ABCC11: variants seen among roughly 807,000 people sequenced by gnomAD.
ABCC11 encodes the protein ATP binding cassette subfamily C member 11, also known as ATP-binding cassette sub-family C member 11.
A neutral mutation model predicts 149.3 loss-of-function variants in ABCC11; 135 were observed. The ratio of observed to expected loss-of-function variants is 0.90; its 90% CI spans 0.79 to 1.04. The LOEUF is 1.04. ABCC11 is among the 50% of genes least tolerant of loss of function. The pLI, the probability that ABCC11 is intolerant of heterozygous loss-of-function variation, is 0.00. For missense variants in ABCC11, 1,680 were observed against 1,722.1 expected (o/e 0.98, Z 0.43); for synonymous variants, 665 against 671.4 (o/e 0.99, Z 0.15).
At chr16:48,208,051 T>A (rs77231010) in intron 12 of ABCC11, among the ~76,000 whole-genome samples, 1 of 152,244 alleles carries the variant, frequency 6.6e-6, no homozygotes, top group Non-Finnish European at 1.5e-5. Flanking sequence ...CTTTTTTTTT[T>A]ATAGGGACCA....
rs766363801 is a variant in ABCC11 at position 48,224,338 on chromosome 16, AC to A, written c.486del (p.Arg162SerfsTer2). On this transcript the variant is annotated frameshift_variant, in exon 5 of 30. Transcript: ENST00000356608. LOFTEE classifies it high-confidence loss of function. The part of the protein sequence containing the change: ...LLVMLRFQRT[R>X]LIFDALLGIC... ...ATGCCCAGAAGTGCATCGAAAATCAACCTTGTTCTCTGGAACCTCAGCATCA... is the reference window on the plus strand; with the variant it reads ...ATGCCCAGAAGTGCATCGAAAATCAACTTGTTCTCTGGAACCTCAGCATCA... 6 of 1,614,018 alleles carry A rather than the reference AC, an allele frequency of 3.7e-6. No homozygotes were observed. The African/African-American group carries it at 8.0e-5, about 22-fold the overall frequency.
rs1053479240 is a variant in ABCC11, at chr16:48,177,044, C to T, written c.3418G>A (p.Glu1140Lys). 1.4e-5 allele frequency: 23 copies of T among 1,614,090 alleles called. No individual in the cohort carries two copies. The highest frequency in any genetic ancestry group is 1.7e-5 in the Non-Finnish European group (20 of 1,180,034). Residue 1140 changes from glutamate (E) to lysine (K), a missense_variant, in exon 25 of 30, where the codon GAA (glutamate) becomes AAA (lysine). Transcript: ENST00000356608. ...SCPQGWPQHG[E>K]IIFQDYHMKY... ...ATGTGATAATCCTGAAATATGATTT[C>T]CCCATGCTGTGGCCACCCCTGGGGA...
downstream of ABCC11, among the ~76,000 whole-genome samples, chr16:48,165,449 T>C (rs1482470305): frequency 6.6e-6 from 1 of 152,230 alleles, no homozygotes; most frequent in Non-Finnish European, 1.5e-5. Flanking sequence ...GCCCCTGTAG[T>C]AGCTCATTCC....
intron 1 of ABCC11, among the ~76,000 whole-genome samples, chr16:48,237,263 C>A (rs1331894682): frequency 6.6e-6 from 1 of 152,178 alleles, no homozygotes; most frequent in Non-Finnish European, 1.5e-5. Flanking sequence ...CAAGGTAGGG[C>A]ACATTGTACA....
At chr16:48,196,062 T>C (rs142108178) in intron 18 of ABCC11, among the ~76,000 whole-genome samples, 170 bp downstream of exon 18, 1 of 152,172 alleles carries the variant, frequency 6.6e-6, no homozygotes, top group Middle Eastern at 3.4e-3. Flanking sequence ...TTGGCTTTGG[T>C]GGTAGAGTTG....
Position 48,184,431 on chromosome 16 carries a change from C to T in ABCC11, c.3258+9G>A. On this transcript the variant is annotated intron_variant, in intron 23 of 29. Coordinates refer to ENST00000356608, the MANE Select transcript of ABCC11 (RefSeq NM_001370497.1). ...CTCAGAGAGGGCCCACACAGAGTCA[C>T]CCCCTCACCTGCAGCACGATGTTGA... The T allele has an allele frequency of 1.2e-6, 2 of 1,612,394 alleles. No individual in the cohort carries two copies. Among genetic ancestry groups the T allele is most frequent in the African/African-American group, 1.3e-5 (1 of 75,032 alleles).
intron 15 of ABCC11, among the ~76,000 whole-genome samples, chr16:48,198,919 C>T (rs1967683721): frequency 6.6e-6 from 1 of 151,812 alleles, no homozygotes; most frequent in Non-Finnish European, 1.5e-5. Context: ...TGCCTGTAGT[C>T]CCAGCTACTC....
intron 1 of ABCC11, among the ~76,000 whole-genome samples, chr16:48,242,016 A>G (rs1970992235): frequency 6.6e-6 from 1 of 152,246 alleles, no homozygotes; most frequent in South Asian, 2.1e-4. Flanking sequence ...CACCAAAAGC[A>G]ATGGCAACAA....
chr16:48,222,461 C>T, intron 6 of ABCC11, 137 bp downstream of exon 6: 2 of 724,356 alleles, frequency 2.8e-6, no homozygotes, highest in South Asian at 1.9e-5. Flanking sequence ...TATCCACACT[C>T]AACCTAGGAA....
Position 48,238,217 on chromosome 16 carries a change from G to A in ABCC11, c.-18-6278C>T, listed in dbSNP as rs146549680. Among the ~76,000 whole-genome samples the A allele has an allele frequency of 1.1e-3, 167 of 152,316 alleles. 1 individual carries two copies. The highest frequency in any genetic ancestry group is 3.9e-3 in the African/African-American group (162 of 41,568). On this transcript the variant is annotated intron_variant, in intron 1 of 29. Coordinates refer to ENST00000356608, the MANE Select transcript of ABCC11 (RefSeq NM_001370497.1). ...GTCAGACAAAGAGCTTTAGGCAGGA[G>A]CTTCTAAGTTTCTATATTTGTGTCT...
At chr16:48,244,191 AGGACGCTCAAGTCTTACCG>A in intron 1 of ABCC11, 1 of 499,324 alleles carries the variant, frequency 2.0e-6, no homozygotes, top group Non-Finnish European at 3.5e-6. Flanking sequence ...CCGCATAGGT[AGGACGCTCAAGTCTTACCG>A]GGAGGCTCTC....
At chr16:48,244,442 C>A in intron 1 of ABCC11, 1 of 1,595,068 alleles carries the variant, frequency 6.3e-7, no homozygotes, top group Non-Finnish European at 8.5e-7. Context: ...TGCTGCTCAC[C>A]CACGAGGGCG....
Position 48,214,056 on chromosome 16 carries a change from G to A in ABCC11, c.1249-506C>T, listed in dbSNP as rs573215375. Among the ~76,000 whole-genome samples the A allele has an allele frequency of 4.6e-5, 7 of 152,052 alleles. No homozygotes were observed. The South Asian group carries it at 1.5e-3, about 32-fold the overall frequency. ...ACTGTGACTATAGCAAAACACCTTA[G>A]GCTCTCAGGACCCAGAAGGTGCCCT... On this transcript the variant is annotated intron_variant, in intron 9 of 29. Transcript: ENST00000356608.
chr16:48,229,671 A>AG (rs1299556838), intron 3 of ABCC11, among the ~76,000 whole-genome samples: 1 of 151,556 alleles, frequency 6.6e-6, no homozygotes, highest in Non-Finnish European at 1.5e-5. Context: ...TCACCTTGTT[A>AG]GCCAGGATGG....
intron 1 of ABCC11, among the ~76,000 whole-genome samples, chr16:48,236,627 T>A (rs1970702569): frequency 6.6e-6 from 1 of 152,166 alleles, no homozygotes; most frequent in African/African-American, 2.4e-5. Context: ...ATGCAGAGTC[T>A]GTCAAAAAAG....
rs529739461 is a variant in ABCC11, at chr16:48,204,978, C to T, written c.1805+435G>A. Among the ~76,000 whole-genome samples the T allele has an allele frequency of 6.2e-4, 95 of 152,166 alleles. 1 individual carries two copies. The highest frequency in any genetic ancestry group is 1.2e-3 in the Non-Finnish European group (84 of 68,040). On this transcript the variant is annotated intron_variant, in intron 13 of 29. Transcript: ENST00000356608. ...TCTATGTCACAGAACCTCATCACTC[C>T]CATTTGTTTTCCTTTTCACAGAACC...
At position 48,187,246 on chromosome 16, in the gene ABCC11, A is replaced by G. The variant is rs1236359946; in HGVS notation, c.2888T>C (p.Leu963Pro). The G allele has an allele frequency of 3.7e-6, 6 of 1,614,178 alleles. No individual in the cohort carries two copies. Among genetic ancestry groups the G allele is most frequent in the South Asian group, 1.1e-5 (1 of 91,088 alleles). ...LIVSVLSPYI[L>P]LMGAIIMVIC... ...AACCATGATTATGGCTCCCATTAAC[A>G]GGATATATGGAGACAGCACACTGAC... The change falls in exon 21 of 30, where the codon CTG (leucine) becomes CCG (proline). Residue 963 changes from leucine to proline, a missense_variant. Physicochemically the swap from Leu to Pro is moderately conservative, Grantham distance 98. Transcript: ENST00000356608.
chr16:48,167,756 C>T (rs1344224464), intron 28 of ABCC11, 96 bp from the exon 29 acceptor site: 2 of 1,346,566 alleles, frequency 1.5e-6, no homozygotes, highest in Non-Finnish European at 2.1e-6. Context: ...GGCCCTTCCT[C>T]TCCAGGTCTC....
chr16:48,242,786 T>C (rs1238364443), intron 1 of ABCC11, among the ~76,000 whole-genome samples: 2 of 151,966 alleles, frequency 1.3e-5, no homozygotes. Flanking sequence ...CTGAGCAAAC[T>C]ATCGCAAAGA....
Sources: gnomAD v4.1 joint callset for allele counts (sites outside exome capture counted in the v4.1 genomes callset) on GRCh38, gnomAD v4.1.1 for gene constraint, MANE v1.5 for transcripts, NCBI Gene and HGNC (gene_info 2026-07-23, HGNC 2026-07-21) for gene names.